PCDHGA3: variants seen among roughly 807,000 people sequenced by gnomAD.
PCDHGA3 encodes protocadherin gamma subfamily A, 3, also known as protocadherin gamma-A3.
In PCDHGA3, 40 loss-of-function variants were observed where a neutral mutation model predicts 58.5. That is an observed-to-expected ratio of 0.68 (90% confidence interval 0.53 to 0.89). The LOEUF is 0.89. Among genes scored for constraint, PCDHGA3 ranks in the 40% least tolerant of loss-of-function variants. The pLI, the probability that PCDHGA3 is intolerant of heterozygous loss-of-function variation, is 0.00. For missense variants in PCDHGA3, 1,223 were observed against 1,195.9 expected (o/e 1.02, Z -0.33); for synonymous variants, 530 against 525.7 (o/e 1.01, Z -0.11).
intron 1 of PCDHGA3, among the ~76,000 whole-genome samples, chr5:141,359,857 A>AAAAAG (rs1258075197): frequency 2.0e-5 from 3 of 152,212 alleles, no homozygotes; most frequent in South Asian, 2.1e-4. Context: ...TTATAAATTA[A>AAAAAG]AAAAGAAAAG....
At chr5:141,497,664 C>T (rs779506763) in intron 2 of PCDHGA3, among the ~76,000 whole-genome samples, 14 of 151,904 alleles carry the variant, frequency 9.2e-5, no homozygotes, top group Non-Finnish European at 1.8e-4. Context: ...CTCAGCCTCC[C>T]GAGTAGCTGG....
intron 1 of PCDHGA3, among the ~76,000 whole-genome samples, chr5:141,349,280 G>A (rs910277448): frequency 7.2e-5 from 11 of 152,094 alleles, no homozygotes; most frequent in African/African-American, 2.7e-4. Context: ...ATGTTGGACA[G>A]GCTAGTCTCA....
At chr5:141,386,140 G>A (rs1246033956) in intron 1 of PCDHGA3, 1 of 152,170 alleles carries the variant, frequency 6.6e-6, no homozygotes, top group African/African-American at 2.4e-5. Context: ...TACTGGCTTT[G>A]TTTCAACTGT....
rs747941691 is a variant in PCDHGA3 at position 141,344,128 on chromosome 5, G to T, written c.95G>T (p.Arg32Leu). The part of the protein sequence containing the change: ...TLCETGSGQI[R>L]YSVSEELDKG... Reference sequence around the variant, plus strand: ...TGCGAAACAGGATCCGGTCAGATCCGCTACTCGGTGTCTGAGGAGCTAGAT... The same window carrying T: ...TGCGAAACAGGATCCGGTCAGATCCTCTACTCGGTGTCTGAGGAGCTAGAT... The change falls in exon 1 of 4, where the codon CGC becomes CTC. Residue 32 changes from arginine to leucine, a missense_variant. Physicochemically the swap from Arg to Leu is moderately radical, Grantham distance 102. Transcript: ENST00000253812. 12 of 1,614,028 alleles carry T rather than the reference G, an allele frequency of 7.4e-6. No individual in the cohort carries two copies. The highest frequency in any genetic ancestry group is 1.0e-5 in the Non-Finnish European group (12 of 1,179,892).
At chr5:141,468,871 T>TAAG (rs796694379) in intron 1 of PCDHGA3, among the ~76,000 whole-genome samples, 1 of 148,338 alleles carries the variant, frequency 6.7e-6, no homozygotes, top group African/African-American at 2.5e-5. Flanking sequence ...ATCTCAAAAA[T>TAAG]AATAATAATA....
chr5:141,430,673 C>A, intron 1 of PCDHGA3: 1 of 1,288,318 alleles, frequency 7.8e-7, no homozygotes, highest in Non-Finnish European at 1.0e-6. Flanking sequence ...TCTGACTTCC[C>A]AACTGTCCCA....
At chr5:141,375,991 C>G in intron 1 of PCDHGA3, 1 of 1,613,448 alleles carries the variant, frequency 6.2e-7, no homozygotes, top group Non-Finnish European at 8.5e-7. Context: ...TGGACAGAGA[C>G]GCGCTCAAGC....
rs768015584 is a variant in PCDHGA3, at chr5:141,356,906, C to T, written c.2424+10449C>T. ...GAGATCCTGTACCCCACCTTCCCTA[C>T]TGATGGCTCCACTGGTGTGGAGCTG... is the stretch of plus-strand genomic sequence containing the variant. On this transcript the variant is annotated intron_variant, in intron 1 of 3. Coordinates refer to ENST00000253812, the MANE Select transcript of PCDHGA3 (RefSeq NM_018916.4). 7.4e-6 allele frequency: 12 copies of T among 1,614,110 alleles called. No individual in the cohort carries two copies. In the Admixed American group the frequency reaches 8.3e-5, roughly 11 times the overall value.
At position 141,491,098 on chromosome 5, in the gene PCDHGA3, C is replaced by A. The variant is rs1283499077; in HGVS notation, c.2425-3709C>A. ...ACAGTCCACAGCCCCAGGACTGTTC[C>A]TCGTGTCTACACACACTGGTGAGGT... On this transcript the variant is annotated intron_variant, in intron 1 of 3. Coordinates refer to ENST00000253812, the MANE Select transcript of PCDHGA3 (RefSeq NM_018916.4). This position sits in a 1 kb window ranked among gnomAD's most constrained non-coding sequence, Gnocchi z 6.9. 6.2e-7 allele frequency: 1 copy of A among 1,614,216 alleles called. No individual in the cohort carries two copies. Among genetic ancestry groups the A allele is most frequent in the Non-Finnish European group, 8.5e-7 (1 of 1,180,038 alleles).
rs377060474 is a variant in PCDHGA3, at chr5:141,487,810, C to A, written c.2425-6997C>A. The A allele has an allele frequency of 7.4e-4, 1,055 of 1,417,844 alleles. 13 individuals carry two copies. In the South Asian group the frequency reaches 0.013, roughly 17 times the overall value. The allele number at this position is 1,417,844 out of a possible 1,614,324, so 87.8% of individuals were successfully genotyped here. A position where few individuals can be genotyped will look rare whatever the true frequency, so the allele number is the denominator to read the frequency against. ...ATTAACCAGAGTTGTCACAGTTTAG[C>A]ATTGGGGGCGGGTCATGCCTATATC... On this transcript the variant is annotated intron_variant, in intron 1 of 3. Transcript: ENST00000253812. The surrounding 1 kb of genome is among the most constrained non-coding windows in gnomAD (Gnocchi z 5.0).
At chr5:141,444,670 C>G (rs1174911888) in intron 1 of PCDHGA3, among the ~76,000 whole-genome samples, 1 of 152,052 alleles carries the variant, frequency 6.6e-6, no homozygotes, top group African/African-American at 2.4e-5. Context: ...CCATTTTTTT[C>G]AATACCATTT....
rs1187459113 is a variant in PCDHGA3 at position 141,487,187 on chromosome 5, G to A, written c.2425-7620G>A. On this transcript the variant is annotated intron_variant, in intron 1 of 3. Coordinates refer to ENST00000253812, the MANE Select transcript of PCDHGA3 (RefSeq NM_018916.4). This position sits in a 1 kb window ranked among gnomAD's most constrained non-coding sequence, Gnocchi z 5.0. The stretch of plus-strand genomic sequence containing the variant: ...GTCCTTAGAGGAAGACACTCATCCA[G>A]TTGTCCCAGATCTTCGAGAATCTTC... 1.2e-6 allele frequency: 2 copies of A among 1,613,826 alleles called. No homozygotes were observed. Among genetic ancestry groups the A allele is most frequent in the Admixed American group, 3.3e-5 (2 of 60,024 alleles).
intron 1 of PCDHGA3, among the ~76,000 whole-genome samples, chr5:141,368,324 T>C (rs1238974511): frequency 6.6e-6 from 1 of 152,186 alleles, no homozygotes; most frequent in East Asian, 1.9e-4. Context: ...CATTCAAGTA[T>C]ATCTATATCT....
intron 1 of PCDHGA3, chr5:141,388,381 C>T (rs370363580): frequency 1.9e-6 from 3 of 1,613,888 alleles, no homozygotes; most frequent in African/African-American, 2.7e-5. Flanking sequence ...GGTAGCAACA[C>T]ACTGCAGAAT....
chr5:141,399,427 G>A (rs1049477252), intron 1 of PCDHGA3: 2 of 1,613,842 alleles, frequency 1.2e-6, no homozygotes, highest in African/African-American at 2.7e-5. Context: ...CAGCATAAGC[G>A]TCATCCTACA....
chr5:141,361,443 A>G, intron 1 of PCDHGA3: 1 of 1,613,982 alleles, frequency 6.2e-7, no homozygotes, highest in Non-Finnish European at 8.5e-7. Context: ...CCTCCAGCAT[A>G]ATTGTCACCC....
At chr5:141,447,163 G>T (rs11167747) in intron 1 of PCDHGA3, among the ~76,000 whole-genome samples, 6,233 of 151,894 alleles carry the variant, frequency 0.041, 196 homozygotes, top group Admixed American at 0.075. Flanking sequence ...TGTTTAAGCG[G>T]GGTCTTGCTC....
intron 1 of PCDHGA3, chr5:141,422,767 G>T: frequency 6.2e-7 from 1 of 1,613,786 alleles, no homozygotes; most frequent in Non-Finnish European, 8.5e-7. Context: ...CAACACTGGT[G>T]TTCTCTATGC....
At position 141,343,991 on chromosome 5, in the gene PCDHGA3, A is replaced by T. The variant is rs958228481; in HGVS notation, c.-43A>T. On this transcript the variant is annotated 5_prime_UTR_variant, in exon 1 of 4. Coordinates refer to ENST00000253812, the MANE Select transcript of PCDHGA3 (RefSeq NM_018916.4). ...AAATAAGATTGGAGTCCGTCGTAGG[A>T]AACTGGAACCGAATTCAGAGAAAGC... is the stretch of plus-strand genomic sequence containing the variant. 2.7e-6 allele frequency: 4 copies of T among 1,477,866 alleles called. No individual in the cohort carries two copies. The East Asian group carries it at 9.4e-5, about 35-fold the overall frequency. 91.5% of individuals were successfully genotyped at this position (1,477,866 alleles called of 1,614,324 possible). A position where few individuals can be genotyped will look rare whatever the true frequency, so the allele number is the denominator to read the frequency against.
Sources: gnomAD v4.1 joint callset for allele counts (sites outside exome capture counted in the v4.1 genomes callset) on GRCh38, gnomAD v4.1.1 for gene constraint, Gnocchi (gnomAD v3.1) non-coding constraint, MANE v1.5 for transcripts, NCBI Gene and HGNC (gene_info 2026-07-23, HGNC 2026-07-21) for gene names.